Variants in FRMD4A observed in about 807,000 individuals in gnomAD.
The protein encoded by FRMD4A is FERM domain-containing protein 4A.
A neutral mutation model predicts 129.1 loss-of-function variants in FRMD4A; 29 were observed. That is an observed-to-expected ratio of 0.22 (90% CI 0.17 to 0.31). The LOEUF (loss-of-function observed/expected upper bound fraction) is 0.31, where lower values mean the gene tolerates loss of function less well. Among genes scored for constraint, FRMD4A ranks in the 10% least tolerant of loss-of-function variants. FRMD4A has a pLI of 1.00. For missense variants in FRMD4A, 1,272 were observed against 1,375.8 expected, an observed-to-expected ratio of 0.92 and a Z score of 1.19; for synonymous variants, 634 against 571.6, an observed-to-expected ratio of 1.11 and a Z score of -1.56.
chr10:13,674,880 A>G (rs779684794), intron 16 of FRMD4A, 31 bp downstream of exon 16: 5 of 1,611,286 alleles, frequency 3.1e-6, no homozygotes, highest in Non-Finnish European at 3.4e-6. Context: ...GACAACACCA[A>G]TTTCAACGGG....
At chr10:13,904,992 C>CAAAAAAAA (rs397772526) in intron 2 of FRMD4A, among the ~76,000 whole-genome samples, 262 of 103,744 alleles carry the variant, frequency 2.5e-3, no homozygotes, top group East Asian at 4.2e-3. Flanking sequence ...GACTCTATCT[C>CAAAAAAAA]AAAAAAAAAA....
intron 2 of FRMD4A, among the ~76,000 whole-genome samples, chr10:14,117,262 A>T (rs10796156): frequency 1.3e-5 from 2 of 152,126 alleles, no homozygotes; most frequent in African/African-American, 4.8e-5. Context: ...GCCTGAACAG[A>T]GCCTAGCATG....
chr10:13,653,338 A>C (rs2081841753), intron 23 of FRMD4A: 2 of 152,238 alleles, frequency 1.3e-5, no homozygotes, highest in Admixed American at 1.3e-4. Flanking sequence ...ACGTGGTGAA[A>C]CCCTGTCTCT....
chr10:14,230,738 G>A (rs1843611089), intron 2 of FRMD4A, among the ~76,000 whole-genome samples: 1 of 152,158 alleles, frequency 6.6e-6, no homozygotes, highest in Non-Finnish European at 1.5e-5. Context: ...CCCAGGTAAT[G>A]AACACAGTAT....
intron 2 of FRMD4A, among the ~76,000 whole-genome samples, chr10:14,045,744 G>A (rs1264476469): frequency 7.0e-6 from 1 of 143,464 alleles, no homozygotes; most frequent in African/African-American, 2.5e-5. Flanking sequence ...TTGTCTACCA[G>A]ACATATATAA....
At chr10:14,066,508 A>ATG (rs561398128) in intron 2 of FRMD4A, among the ~76,000 whole-genome samples, 107 of 150,768 alleles carry the variant, frequency 7.1e-4, no homozygotes, top group South Asian at 4.6e-3. Context: ...GTGAAGTTGT[A>ATG]TGTGTGTGTG....
intron 4 of FRMD4A, among the ~76,000 whole-genome samples, chr10:13,796,876 T>C (rs940640195): frequency 6.6e-6 from 1 of 152,100 alleles, no homozygotes; most frequent in African/African-American, 2.4e-5. Context: ...TGAGCCACCA[T>C]GCCCGGCTAA....
At chr10:14,017,106 G>A (rs2095701701) in intron 2 of FRMD4A, among the ~76,000 whole-genome samples, 1 of 152,204 alleles carries the variant, frequency 6.6e-6, no homozygotes, top group Admixed American at 6.5e-5. Context: ...CTATAGCCTG[G>A]CTAAAGGCTA....
rs139093467 is a variant in FRMD4A, at chr10:13,739,009, C to T, written c.673-1079G>A. Among the ~76,000 whole-genome samples the T allele has an allele frequency of 5.9e-4, 90 of 152,230 alleles. 2 individuals are homozygous for T. The East Asian group carries it at 0.016, about 26-fold the overall frequency. The stretch of plus-strand genomic sequence containing the variant: ...GGATGATTCTGAGTTAATTAGAGCC[C>T]CCAGAAGCTAGGATTTTATAGTGAG... On this transcript the variant is annotated intron_variant, in intron 11 of 24. Coordinates refer to ENST00000357447, the MANE Select transcript of FRMD4A (RefSeq NM_018027.5).
intron 2 of FRMD4A, among the ~76,000 whole-genome samples, chr10:14,243,008 G>A (rs1844103757): frequency 6.6e-6 from 1 of 152,052 alleles, no homozygotes; most frequent in Non-Finnish European, 1.5e-5. Context: ...ATAGATGAAT[G>A]GATAAATAAA....
intron 2 of FRMD4A, among the ~76,000 whole-genome samples, chr10:14,134,191 G>C (rs1355087104): frequency 6.6e-6 from 1 of 152,106 alleles, no homozygotes; most frequent in Non-Finnish European, 1.5e-5. Context: ...CCATTCTGCT[G>C]TATAGCATAT....
intron 15 of FRMD4A, among the ~76,000 whole-genome samples, chr10:13,691,047 G>T (rs1589394845): frequency 6.6e-6 from 1 of 152,174 alleles, no homozygotes; most frequent in South Asian, 2.1e-4. Context: ...GAGTACAGTA[G>T]CATCATCTTA....
At position 14,330,771 on chromosome 10, in the gene FRMD4A, C is replaced by G. The variant is rs1426593257; in HGVS notation, c.-256G>C. 2.5e-6 allele frequency: 1 copy of G among 398,696 alleles called. No homozygotes were observed. The highest frequency in any genetic ancestry group is 2.1e-5 in the African/African-American group (1 of 48,596). The allele number at this position is 398,696 out of a possible 1,614,324, so 24.7% of individuals were successfully genotyped here. ...GGAAGTCACTTAGGAACTGACCCTT[C>G]CACCTTCCCCAGATCTACTTTTCCT... On this transcript the variant is annotated 5_prime_UTR_variant, in exon 1 of 25. Coordinates refer to ENST00000357447, the MANE Select transcript of FRMD4A (RefSeq NM_018027.5).
chr10:13,836,763 T>C (rs1277930312), intron 3 of FRMD4A, among the ~76,000 whole-genome samples: 2 of 146,402 alleles, frequency 1.4e-5, no homozygotes, highest in Non-Finnish European at 3.0e-5. Context: ...TTCTTTTTTT[T>C]TTTTTTTTTT....
At chr10:13,804,559 T>C (rs185313923) in intron 4 of FRMD4A, among the ~76,000 whole-genome samples, 36 of 130,402 alleles carry the variant, frequency 2.8e-4, no homozygotes, top group Admixed American at 2.0e-3. Context: ...TTCTTTTTTT[T>C]GTTGAGACGG....
intron 2 of FRMD4A, among the ~76,000 whole-genome samples, chr10:14,004,208 C>T (rs1283915621): frequency 1.3e-5 from 2 of 152,152 alleles, no homozygotes; most frequent in East Asian, 3.8e-4. Context: ...CCCCAGGAGA[C>T]AGGGAGGTGT....
intron 2 of FRMD4A, 120 bp downstream of exon 2, chr10:14,329,938 G>A (rs1394545823): frequency 6.8e-6 from 6 of 887,742 alleles, no homozygotes; most frequent in South Asian, 1.5e-5. Context: ...AAGAGCCTGC[G>A]GGATAAAGCG....
chr10:13,913,069 A>T (rs1287600274), intron 2 of FRMD4A, among the ~76,000 whole-genome samples: 1 of 144,308 alleles, frequency 6.9e-6, no homozygotes, highest in Non-Finnish European at 1.5e-5. Context: ...GTAAAACTCC[A>T]TTTAAAAAAA....
chr10:13,921,704 C>T (rs1182636267), intron 2 of FRMD4A, among the ~76,000 whole-genome samples: 1 of 152,146 alleles, frequency 6.6e-6, no homozygotes, highest in African/African-American at 2.4e-5. Flanking sequence ...GGAACACAAA[C>T]ATTCAGGCCA....
Sources: allele counts gnomAD v4.1 joint callset (sites outside exome capture counted in the v4.1 genomes callset), GRCh38; gene constraint gnomAD v4.1.1; transcripts MANE v1.5; gene names NCBI Gene and HGNC (gene_info 2026-07-23, HGNC 2026-07-21).